Variants in FHIP1A observed in about 807,000 individuals in gnomAD.
The protein encoded by FHIP1A is FHF complex subunit HOOK interacting protein 1A.
FHIP1A carries 61 observed loss-of-function variants against 88.6 expected under a neutral mutation model. The ratio of observed to expected loss-of-function variants is 0.69; its 90% CI spans 0.56 to 0.85. FHIP1A has a LOEUF of 0.85. Among genes scored for constraint, FHIP1A ranks in the 40% least tolerant of loss-of-function variants. The pLI is 0.00. For synonymous variants in FHIP1A, 478 were observed against 496.0 expected (o/e 0.96, Z 0.48); for missense variants, 1,154 against 1,273.5 (o/e 0.91, Z 1.43).
At chr4:151,427,918 C>T (rs996562668) in intron 1 of FHIP1A, among the ~76,000 whole-genome samples, 3 of 151,982 alleles carry the variant, frequency 2.0e-5, no homozygotes, top group Non-Finnish European at 2.9e-5. Flanking sequence ...TTATGAAACT[C>T]GATGGTGATT....
chr4:151,612,762 G>A (rs1735374045), intron 7 of FHIP1A, among the ~76,000 whole-genome samples: 1 of 152,192 alleles, frequency 6.6e-6, no homozygotes, highest in Non-Finnish European at 1.5e-5. Context: ...GTGGATCTAA[G>A]AAGAGGCTCT....
intron 1 of FHIP1A, among the ~76,000 whole-genome samples, chr4:151,412,724 G>T (rs2126503193): frequency 7.8e-6 from 1 of 128,262 alleles, no homozygotes; most frequent in South Asian, 2.6e-4. Flanking sequence ...TGCTCTTGTT[G>T]CCTAGGCTGG....
rs1736988783 is a variant in FHIP1A at position 151,650,479 on chromosome 4, CTT to C, written c.2441_2442del (p.Phe814TyrfsTer19). 4 of 1,551,584 alleles carry C rather than the reference CTT, an allele frequency of 2.6e-6. No individual in the cohort carries two copies. Among genetic ancestry groups the C allele is most frequent in the South Asian group, 1.2e-5 (1 of 84,064 alleles). ...GAAGATGAGGAGGATGACTTTGACT[CTT>C]TTATAGCGGAGATGCCTGCTGTAGA... On this transcript the variant is annotated frameshift_variant, in exon 11 of 14. Coordinates refer to ENST00000435205, the MANE Select transcript of FHIP1A (RefSeq NM_001109977.3). LOFTEE classifies it high-confidence loss of function.
intron 13 of FHIP1A, 37 bp from the exon 14 acceptor site, chr4:151,662,464 T>A (rs1448010401): frequency 7.4e-6 from 11 of 1,489,522 alleles, no homozygotes; most frequent in Non-Finnish European, 9.9e-6. Flanking sequence ...TAGAAGGCTA[T>A]GGAGGGACAC....
At chr4:151,470,487 A>G (rs528092211) in intron 2 of FHIP1A, among the ~76,000 whole-genome samples, 1 of 152,276 alleles carries the variant, frequency 6.6e-6, no homozygotes, top group East Asian at 1.9e-4. Context: ...GTTCCCTGCT[A>G]TCGGGTCAGT....
chr4:151,429,645 T>TG (rs1733517799), intron 1 of FHIP1A, among the ~76,000 whole-genome samples: 1 of 152,270 alleles, frequency 6.6e-6, no homozygotes, highest in African/African-American at 2.4e-5. Context: ...GGCCAGGAGT[T>TG]GGAGACCAGC....
chr4:151,448,898 G>C (rs1394921749), intron 1 of FHIP1A, among the ~76,000 whole-genome samples: 2 of 152,080 alleles, frequency 1.3e-5, no homozygotes, highest in African/African-American at 4.8e-5. Flanking sequence ...TTCCTTACCG[G>C]CTGTACTATT....
Position 151,656,692 on chromosome 4 carries a change from G to C in FHIP1A, c.2731-68G>C. On this transcript the variant is annotated intron_variant, in intron 12 of 13. Coordinates refer to ENST00000435205, the MANE Select transcript of FHIP1A (RefSeq NM_001109977.3). This position sits in a 1 kb window ranked among gnomAD's most constrained non-coding sequence, Gnocchi z 4.2. ...CCCATAATGAGGGTGCTACCTGCAAGATATATTGATAACTGGGAGTGGAAT... is the reference window on the plus strand; with the variant it reads ...CCCATAATGAGGGTGCTACCTGCAACATATATTGATAACTGGGAGTGGAAT... 1 of 1,481,798 alleles carries C rather than the reference G, an allele frequency of 6.7e-7. No homozygotes were observed. Among genetic ancestry groups the C allele is most frequent in the Non-Finnish European group, 9.1e-7 (1 of 1,097,826 alleles). The allele number at this position is 1,481,798 out of a possible 1,614,324, so 91.8% of individuals were successfully genotyped here.
At chr4:151,631,221 G>T (rs180856676) in intron 8 of FHIP1A, among the ~76,000 whole-genome samples, 73 of 152,044 alleles carry the variant, frequency 4.8e-4, no homozygotes, top group African/African-American at 1.4e-3. Flanking sequence ...TCTTTGACAA[G>T]ATTCACAAAC....
At chr4:151,573,360 C>T (rs968132924) in intron 4 of FHIP1A, among the ~76,000 whole-genome samples, 1 of 152,020 alleles carries the variant, frequency 6.6e-6, no homozygotes, top group Non-Finnish European at 1.5e-5. Context: ...CTATGATCCG[C>T]AAAACGTTTA....
chr4:151,548,200 C>A (rs564027682), intron 3 of FHIP1A, among the ~76,000 whole-genome samples: 67 of 152,206 alleles, frequency 4.4e-4, no homozygotes, highest in Admixed American at 1.5e-3. Flanking sequence ...AGCACCAGCA[C>A]TGGGACCCAG....
At chr4:151,513,845 A>T (rs1391581839) in intron 3 of FHIP1A, among the ~76,000 whole-genome samples, 2 of 150,420 alleles carry the variant, frequency 1.3e-5, no homozygotes, top group Non-Finnish European at 3.0e-5. Context: ...CTCCCACACA[A>T]TAATAATGGG....
At chr4:151,616,920 G>A (rs968626072) in intron 7 of FHIP1A, among the ~76,000 whole-genome samples, 8 of 151,820 alleles carry the variant, frequency 5.3e-5, no homozygotes, top group African/African-American at 1.5e-4. Context: ...GCTAATTTTT[G>A]TATTTTTAGT....
intron 1 of FHIP1A, among the ~76,000 whole-genome samples, chr4:151,450,113 T>A (rs180896609): frequency 6.6e-6 from 1 of 152,174 alleles, no homozygotes; most frequent in Admixed American, 6.5e-5. Context: ...ATGTTTAAGT[T>A]TGTTGACTGG....
At chr4:151,425,511 G>A (rs1733330374) in intron 1 of FHIP1A, among the ~76,000 whole-genome samples, 1 of 151,986 alleles carries the variant, frequency 6.6e-6, no homozygotes, top group Non-Finnish European at 1.5e-5. Flanking sequence ...ACTATTTTTT[G>A]TTAAGGAAAT....
chr4:151,411,197 A>G (rs561744290), intron 1 of FHIP1A, among the ~76,000 whole-genome samples: 1 of 152,180 alleles, frequency 6.6e-6, no homozygotes, highest in Non-Finnish European at 1.5e-5. Flanking sequence ...AGATTGGTTC[A>G]AAATACTTTC....
At chr4:151,643,776 T>C (rs1272467541) in intron 9 of FHIP1A, among the ~76,000 whole-genome samples, 1 of 152,252 alleles carries the variant, frequency 6.6e-6, no homozygotes, top group Non-Finnish European at 1.5e-5. Context: ...TTCATTTGAA[T>C]AGACTCCCCA....
In FHIP1A at chr4:151,669,993, G is replaced by A. The variant is rs1737802847; in HGVS notation, c.*7239G>A. 1 of 152,200 alleles carries A rather than the reference G, an allele frequency of 6.6e-6. No individual in the cohort carries two copies. The highest frequency in any genetic ancestry group is 2.4e-5 in the African/African-American group (1 of 41,434). The allele number at this position is 152,200 out of a possible 1,614,324, so 9.4% of individuals were successfully genotyped here. ...TAGTTCCTCAGCTGCTTCTGGAGCA[G>A]TGTTCACAACGGGAATGTTTTTACT... On this transcript the variant is annotated 3_prime_UTR_variant, in exon 14 of 14. Coordinates refer to ENST00000435205, the MANE Select transcript of FHIP1A (RefSeq NM_001109977.3).
At chr4:151,578,732 A>G (rs547330861) in intron 5 of FHIP1A, among the ~76,000 whole-genome samples, 6 of 152,298 alleles carry the variant, frequency 3.9e-5, no homozygotes, top group East Asian at 1.9e-4. Flanking sequence ...TGGTCCAGCA[A>G]TTGCACTCCT....
Sources: gnomAD v4.1 joint callset for allele counts (sites outside exome capture counted in the v4.1 genomes callset) on GRCh38, gnomAD v4.1.1 for gene constraint, Gnocchi (gnomAD v3.1) non-coding constraint, MANE v1.5 for transcripts, NCBI Gene and HGNC (gene_info 2026-07-23, HGNC 2026-07-21) for gene names.